Variants in TESMIN observed in about 807,000 individuals in gnomAD.
TESMIN encodes testis expressed metallothionein like protein.
A neutral mutation model predicts 47.4 loss-of-function variants in TESMIN; 34 were observed. The ratio of observed to expected loss-of-function variants is 0.72; its 90% CI spans 0.55 to 0.96. The LOEUF is 0.96. Among genes scored for constraint, TESMIN ranks in the 40% least tolerant of loss-of-function variants. The pLI, the probability that TESMIN is intolerant of heterozygous loss-of-function variation, is 0.00. For synonymous variants in TESMIN, 278 were observed against 258.9 expected, an observed-to-expected ratio of 1.07 and a Z score of -0.71; for missense variants, 610 against 637.2, an observed-to-expected ratio of 0.96 and a Z score of 0.46.
chr11:68,734,774 G>A (rs1946367972), intron 6 of TESMIN, among the ~76,000 whole-genome samples: 1 of 152,224 alleles, frequency 6.6e-6, no homozygotes, highest in Admixed American at 6.5e-5. Context: ...ATAGGGGTTG[G>A]TAACTAATAC....
At chr11:68,716,028 G>T (rs986123499) in intron 6 of TESMIN, 89 bp from the exon 7 acceptor site, 44 of 807,494 alleles carry the variant, frequency 5.4e-5, no homozygotes, top group Non-Finnish European at 8.1e-5. Flanking sequence ...GAAAGAGCGG[G>T]CAGTGTGCTG....
chr11:68,750,370 G>T lies in TESMIN; in HGVS notation c.291C>A (p.Tyr97Ter). Residue 97 changes from tyrosine (Y) to a stop codon, truncating the protein, a stop_gained, in exon 2 of 10, where the codon TAC (tyrosine) becomes TAA (stop). Transcript: ENST00000255087. LOFTEE classifies it high-confidence loss of function. ...DSDGGELLGE[Y>*]PGIPELSALE... ...GCGCGCTGAGCTCTGGGATCCCGGG[G>T]TACTCCCCGAGGAGCTCCCCGCCGT... The T allele has an allele frequency of 1.3e-6, 2 of 1,511,058 alleles. No individual in the cohort carries two copies. The highest frequency in any genetic ancestry group is 1.8e-6 in the Non-Finnish European group (2 of 1,127,362). The allele number at this position is 1,511,058 out of a possible 1,614,324, so 93.6% of individuals were successfully genotyped here.
intron 6 of TESMIN, chr11:68,733,837 A>G (rs995097480): frequency 2.0e-5 from 3 of 152,206 alleles, no homozygotes; most frequent in African/African-American, 7.2e-5. Flanking sequence ...CCAGATCGTT[A>G]TAGGTATTAT....
chr11:68,748,843 GTTTGTTT>G (rs1946553851), intron 2 of TESMIN, among the ~76,000 whole-genome samples: 1 of 152,172 alleles, frequency 6.6e-6, no homozygotes, highest in Admixed American at 6.5e-5. Context: ...TGTGTGTTTT[GTTTGTTT>G]TTTAAGACAG....
chr11:68,726,922 A>G (rs77317061), intron 6 of TESMIN, among the ~76,000 whole-genome samples: 258 of 152,030 alleles, frequency 1.7e-3, no homozygotes, highest in African/African-American at 6.0e-3. Context: ...TAAAAAAAAT[A>G]AAAATAAAAA....
chr11:68,743,279 C>T (rs1018375552), intron 4 of TESMIN, among the ~76,000 whole-genome samples: 1 of 147,812 alleles, frequency 6.8e-6, no homozygotes, highest in East Asian at 2.0e-4. Flanking sequence ...CACTTTGTCA[C>T]CCAGGCTAGA....
intron 6 of TESMIN, among the ~76,000 whole-genome samples, chr11:68,722,866 A>G (rs1946219029): frequency 6.6e-6 from 1 of 152,250 alleles, no homozygotes; most frequent in African/African-American, 2.4e-5. Context: ...AAAAAGATGT[A>G]GCAATCATGA....
chr11:68,738,890 G>T (rs754755459), intron 5 of TESMIN, 102 bp from the exon 6 acceptor site: 5 of 960,872 alleles, frequency 5.2e-6, no homozygotes, highest in South Asian at 1.5e-5. Flanking sequence ...TTCCCTAAAG[G>T]TTTACATCAC....
intron 6 of TESMIN, chr11:68,736,782 A>G: frequency 1.0e-6 from 1 of 966,916 alleles, no homozygotes; most frequent in Non-Finnish European, 1.2e-6. Context: ...GAGCAGGGGG[A>G]GGAGAACAAA....
chr11:68,733,825 C>G (rs1946356300), intron 6 of TESMIN: 1 of 152,200 alleles, frequency 6.6e-6, no homozygotes, highest in Non-Finnish European at 1.5e-5. Flanking sequence ...AGAATCTCAA[C>G]ACCAGATCGT....
At chr11:68,739,581 A>G (rs1338772928) in intron 5 of TESMIN, among the ~76,000 whole-genome samples, 5 of 152,214 alleles carry the variant, frequency 3.3e-5, no homozygotes, top group Non-Finnish European at 7.3e-5. Flanking sequence ...TAGAAAAAAA[A>G]TGCGTCTTGT....
intron 6 of TESMIN, chr11:68,737,474 C>T: frequency 1.0e-6 from 1 of 985,736 alleles, no homozygotes; most frequent in Non-Finnish European, 1.2e-6. Flanking sequence ...ACTCTCCTCA[C>T]ACTTACCAAG....
At chr11:68,747,969 T>C (rs1946543108) in intron 2 of TESMIN, among the ~76,000 whole-genome samples, 2 of 152,202 alleles carry the variant, frequency 1.3e-5, no homozygotes, top group African/African-American at 4.8e-5. Context: ...TGTTTCAACA[T>C]TGGGATGCTG....
At chr11:68,720,542 G>A (rs1249371880) in intron 6 of TESMIN, among the ~76,000 whole-genome samples, 1 of 152,132 alleles carries the variant, frequency 6.6e-6, no homozygotes, top group Non-Finnish European at 1.5e-5. Context: ...CCACATCCCA[G>A]CTTCCAGTCA....
chr11:68,705,880 G>A (rs191079280), downstream of TESMIN, among the ~76,000 whole-genome samples: 902 of 152,114 alleles, frequency 5.9e-3, 10 homozygotes, highest in African/African-American at 0.02. Context: ...AAAATTAGCC[G>A]GGCGTGGTGG....
chr11:68,747,459 T>C, intron 2 of TESMIN, 93 bp from the exon 3 acceptor site: 3 of 1,149,898 alleles, frequency 2.6e-6, no homozygotes, highest in Non-Finnish European at 3.8e-6. Context: ...CAGTGATAAG[T>C]AGAAGTTATG....
intron 9 of TESMIN, among the ~76,000 whole-genome samples, chr11:68,709,517 C>G (rs1467900455): frequency 6.6e-6 from 1 of 152,268 alleles, no homozygotes; most frequent in East Asian, 1.9e-4. Flanking sequence ...GCCAGCTATT[C>G]TCCCCACTGA....
intron 6 of TESMIN, among the ~76,000 whole-genome samples, chr11:68,728,883 A>G (rs1946295709): frequency 6.6e-6 from 1 of 152,202 alleles, no homozygotes; most frequent in Non-Finnish European, 1.5e-5. Flanking sequence ...GTGAAGACCT[A>G]CTACTCAGAA....
chr11:68,741,251 C>T (rs551289591), intron 5 of TESMIN, among the ~76,000 whole-genome samples: 58 of 152,290 alleles, frequency 3.8e-4, no homozygotes, highest in African/African-American at 1.3e-3. Flanking sequence ...TCCCCTAGCT[C>T]ACACTATCCC....
Sources: allele counts gnomAD v4.1 joint callset (sites outside exome capture counted in the v4.1 genomes callset), GRCh38; gene constraint gnomAD v4.1.1; transcripts MANE v1.5; gene names NCBI Gene and HGNC (gene_info 2026-07-23, HGNC 2026-07-21).